DLGAP2: variants seen among roughly 807,000 people sequenced by gnomAD.
The protein encoded by DLGAP2 is DLG associated protein 2.
A neutral mutation model predicts 100.3 loss-of-function variants in DLGAP2; 26 were observed. The observed-to-expected ratio is 0.26, with a 90% confidence interval of 0.19 to 0.36. The LOEUF is 0.36. Ranked by LOEUF, DLGAP2 falls within the 10% of genes least tolerant of loss-of-function variation. The probability of loss-of-function intolerance (pLI) is 1.00; values close to 1 mark genes in which losing one functional copy is unlikely to be tolerated. For synonymous variants in DLGAP2, 886 were observed against 630.1 expected, an observed-to-expected ratio of 1.41 and a Z score of -6.08; for missense variants, 1,858 against 1,453.2, an observed-to-expected ratio of 1.28 and a Z score of -4.53.
At chr8:1,024,021 C>G (rs1385048440) in intron 2 of DLGAP2, among the ~76,000 whole-genome samples, 1 of 151,948 alleles carries the variant, frequency 6.6e-6, no homozygotes, top group Non-Finnish European at 1.5e-5. Context: ...CCCTGTCTTC[C>G]TCATGCCTCT....
chr8:1,159,626 C>T (rs1262317839), intron 2 of DLGAP2, among the ~76,000 whole-genome samples: 1 of 152,150 alleles, frequency 6.6e-6, no homozygotes, highest in African/African-American at 2.4e-5. Flanking sequence ...AGAATACCTG[C>T]ATCTATCAAA....
rs369758563 is a variant in DLGAP2, at chr8:816,950, C to G, written c.18+79125C>G. On this transcript the variant is annotated intron_variant, in intron 1 of 14. Transcript: ENST00000637795. The stretch of plus-strand genomic sequence containing the variant: ...GGTCAGGAGATCGAGACTATCCTGA[C>G]TAACACGGTGAAACCCTGTCTCTAC... Among the ~76,000 whole-genome samples the G allele has an allele frequency of 2.0e-5, 3 of 152,266 alleles. No homozygotes were observed. The East Asian group carries it at 5.8e-4, about 29-fold the overall frequency.
chr8:1,291,880 C>T (rs1800067909), intron 3 of DLGAP2, among the ~76,000 whole-genome samples: 2 of 152,298 alleles, frequency 1.3e-5, no homozygotes, highest in East Asian at 1.9e-4. Context: ...GCCTTCTCTC[C>T]AGTCTTGCCC....
chr8:1,700,305 T>G (rs181011030), intron 14 of DLGAP2, among the ~76,000 whole-genome samples: 13 of 152,336 alleles, frequency 8.5e-5, no homozygotes, highest in South Asian at 8.3e-4. Context: ...TCTGACGCCT[T>G]CTGCCGTGTG....
chr8:1,491,499 G>A (rs1799387861), intron 3 of DLGAP2, among the ~76,000 whole-genome samples: 1 of 152,228 alleles, frequency 6.6e-6, no homozygotes, highest in Non-Finnish European at 1.5e-5. Context: ...TCTAAGCTTT[G>A]TAAAATGCCC....
chr8:1,322,257 A>G (rs1252841088), intron 3 of DLGAP2, among the ~76,000 whole-genome samples: 1 of 152,252 alleles, frequency 6.6e-6, no homozygotes, highest in Non-Finnish European at 1.5e-5. Context: ...CATATTTTCC[A>G]AAAATACAAT....
chr8:1,164,454 TG>T (rs1428694266), intron 2 of DLGAP2, among the ~76,000 whole-genome samples: 1 of 152,082 alleles, frequency 6.6e-6, no homozygotes, highest in Non-Finnish European at 1.5e-5. Flanking sequence ...CTGGAGGCGA[TG>T]GCCTGGCTCT....
At chr8:1,667,348 C>T (rs982653015) in intron 8 of DLGAP2, among the ~76,000 whole-genome samples, 1 of 152,120 alleles carries the variant, frequency 6.6e-6, no homozygotes, top group African/African-American at 2.4e-5. Flanking sequence ...CTTTGGTGGC[C>T]TGTCCAGCTG....
chr8:1,603,779 G>A (rs915154371), intron 6 of DLGAP2, among the ~76,000 whole-genome samples: 1 of 152,120 alleles, frequency 6.6e-6, no homozygotes, highest in African/African-American at 2.4e-5. Flanking sequence ...TAAGGGACTG[G>A]GGCTGAGGAG....
intron 2 of DLGAP2, among the ~76,000 whole-genome samples, chr8:945,426 T>C (rs1326568872): frequency 6.6e-6 from 1 of 152,116 alleles, no homozygotes; most frequent in Non-Finnish European, 1.5e-5. Flanking sequence ...AGGTGTAGCA[T>C]TTCTGTGTTT....
At chr8:915,785 CGT>C (rs1346011091) in intron 2 of DLGAP2, among the ~76,000 whole-genome samples, 2 of 135,032 alleles carry the variant, frequency 1.5e-5, no homozygotes, top group Non-Finnish European at 3.2e-5. Flanking sequence ...GCGTGGTTTC[CGT>C]GTGTGTTAAC....
intron 3 of DLGAP2, among the ~76,000 whole-genome samples, chr8:1,267,828 G>A (rs1466296498): frequency 6.6e-6 from 1 of 151,992 alleles, no homozygotes; most frequent in African/African-American, 2.4e-5. Context: ...TGGTTCTATG[G>A]GAATTCTGAG....
chr8:936,927 C>A (rs1047147912), intron 2 of DLGAP2, among the ~76,000 whole-genome samples: 1 of 152,168 alleles, frequency 6.6e-6, no homozygotes, highest in African/African-American at 2.4e-5. Context: ...AAGCGCACTG[C>A]GTGACGTCAA....
chr8:851,748 C>T (rs149297815), intron 1 of DLGAP2, among the ~76,000 whole-genome samples: 49 of 152,268 alleles, frequency 3.2e-4, no homozygotes, highest in African/African-American at 9.4e-4. Flanking sequence ...TCATTTAACA[C>T]GATTCACGGA....
chr8:916,816 A>G (rs1343198021), intron 2 of DLGAP2, among the ~76,000 whole-genome samples: 1 of 152,192 alleles, frequency 6.6e-6, no homozygotes, highest in Admixed American at 6.5e-5. Flanking sequence ...AAGCAGCCGG[A>G]TCGTGCATCT....
At chr8:1,255,543 C>G (rs375353168) in intron 2 of DLGAP2, among the ~76,000 whole-genome samples, 264 of 75,590 alleles carry the variant, frequency 3.5e-3, no homozygotes, top group African/African-American at 6.7e-3. Flanking sequence ...AGCTGTGTGT[C>G]TGTCCTCTCC....
intron 2 of DLGAP2, among the ~76,000 whole-genome samples, chr8:984,633 G>A (rs984785334): frequency 2.0e-5 from 3 of 152,172 alleles, no homozygotes; most frequent in African/African-American, 4.8e-5. Context: ...CAAGAACAGC[G>A]GTGTAAAGAG....
At chr8:984,802 A>C (rs187340024) in intron 2 of DLGAP2, among the ~76,000 whole-genome samples, 1 of 152,196 alleles carries the variant, frequency 6.6e-6, no homozygotes, top group Non-Finnish European at 1.5e-5. Flanking sequence ...GGTTAGGACA[A>C]TGAATGCAAG....
At chr8:1,413,089 C>T (rs1444803121) in intron 3 of DLGAP2, among the ~76,000 whole-genome samples, 1 of 152,196 alleles carries the variant, frequency 6.6e-6, no homozygotes, top group Non-Finnish European at 1.5e-5. Flanking sequence ...CTCCTCAGTT[C>T]TCCTAGTGTC....
Sources: allele counts gnomAD v4.1 joint callset (sites outside exome capture counted in the v4.1 genomes callset), GRCh38; gene constraint gnomAD v4.1.1; transcripts MANE v1.5; gene names NCBI Gene and HGNC (gene_info 2026-07-23, HGNC 2026-07-21).